FAF1: variants seen among roughly 807,000 people sequenced by gnomAD.
The protein encoded by FAF1 is Fas associated factor 1.
A neutral mutation model predicts 92.5 loss-of-function variants in FAF1; 25 were observed. The ratio of observed to expected loss-of-function variants is 0.27; its 90% confidence interval spans 0.20 to 0.38. The LOEUF (loss-of-function observed/expected upper bound fraction) is 0.38. Ranked by LOEUF, FAF1 falls within the 10% of genes least tolerant of loss-of-function variation. FAF1 has a pLI of 1.00. For missense variants in FAF1, 636 were observed against 793.3 expected, an observed-to-expected ratio of 0.80 and a Z score of 2.38; for synonymous variants, 234 against 273.2, an observed-to-expected ratio of 0.86 and a Z score of 1.42.
intron 8 of FAF1, among the ~76,000 whole-genome samples, chr1:50,627,893 A>G (rs996662519): frequency 1.6e-4 from 24 of 152,174 alleles, no homozygotes; most frequent in African/African-American, 5.8e-4. Context: ...AGTCTACTTG[A>G]TTTAGCAACA....
intron 13 of FAF1, among the ~76,000 whole-genome samples, chr1:50,565,649 TA>T (rs1449663883): frequency 6.6e-6 from 1 of 151,724 alleles, no homozygotes. Flanking sequence ...ATTGCCATCA[TA>T]AAAAAAAGAA....
intron 1 of FAF1, among the ~76,000 whole-genome samples, chr1:50,887,222 G>A (rs1000968864): frequency 1.3e-5 from 2 of 152,056 alleles, no homozygotes; most frequent in Admixed American, 6.6e-5. Flanking sequence ...CTTGTTGATG[G>A]GGTTGTTGTT....
At chr1:50,828,274 T>C (rs530859812) in intron 2 of FAF1, among the ~76,000 whole-genome samples, 57 of 151,100 alleles carry the variant, frequency 3.8e-4, no homozygotes, top group African/African-American at 4.6e-4. Flanking sequence ...TTTTTTTTTT[T>C]CTTTCTTTTT....
chr1:50,691,613 C>G (rs1364112641), intron 7 of FAF1, among the ~76,000 whole-genome samples: 2 of 150,408 alleles, frequency 1.3e-5, no homozygotes, highest in Non-Finnish European at 3.0e-5. Context: ...TTTTTTGAGA[C>G]AGAGTTTCTC....
chr1:50,491,839 CTTTT>C (rs748185846), intron 15 of FAF1, 38 bp from the exon 16 acceptor site: 54 of 1,460,222 alleles, frequency 3.7e-5, no homozygotes, highest in Non-Finnish European at 4.8e-5. Context: ...TGACATATAA[CTTTT>C]TTTTGAAAAA....
intron 7 of FAF1, among the ~76,000 whole-genome samples, chr1:50,676,776 C>G (rs1303350131): frequency 4.6e-5 from 7 of 152,120 alleles, no homozygotes. Context: ...GAGCCAAGAT[C>G]CTGCCACTGC....
chr1:50,694,568 C>T (rs967904352), intron 7 of FAF1, among the ~76,000 whole-genome samples: 1 of 146,826 alleles, frequency 6.8e-6, no homozygotes, highest in Non-Finnish European at 1.5e-5. Context: ...AAAAAAAAAA[C>T]CCACAAAGGT....
chr1:50,528,685 G>T (rs540275699), intron 15 of FAF1, among the ~76,000 whole-genome samples: 3 of 152,276 alleles, frequency 2.0e-5, no homozygotes, highest in African/African-American at 7.2e-5. Context: ...GGTCTGAACT[G>T]TGTAAGTCCA....
Position 50,437,574 on chromosome 1 carries a change from A to T in FAF1, c.*3866T>A, listed in dbSNP as rs1031383650. The T allele has an allele frequency of 2.6e-5, 4 of 151,924 alleles. No homozygotes were observed. Among genetic ancestry groups the T allele is most frequent in the Non-Finnish European group, 4.4e-5 (3 of 67,996 alleles). 9.4% of individuals were successfully genotyped at this position (151,924 alleles called of 1,614,324 possible). A position where few individuals can be genotyped will look rare whatever the true frequency, so the allele number is the denominator to read the frequency against. On this transcript the variant is annotated 3_prime_UTR_variant, in exon 19 of 19. Transcript: ENST00000396153. Reference sequence around the variant, plus strand: ...TAATGAAAAGTTTTATTTTTTATTTATTTATTTTTTTAGAGACAGGGTCTT... The same window carrying T: ...TAATGAAAAGTTTTATTTTTTATTTTTTTATTTTTTTAGAGACAGGGTCTT...
intron 8 of FAF1, among the ~76,000 whole-genome samples, chr1:50,654,850 C>A (rs1351808177): frequency 6.6e-6 from 1 of 152,096 alleles, no homozygotes; most frequent in Non-Finnish European, 1.5e-5. Flanking sequence ...CAAATTTTTG[C>A]ATTGATACTG....
chr1:50,568,662 G>A (rs1179276682), intron 12 of FAF1, among the ~76,000 whole-genome samples: 1 of 152,148 alleles, frequency 6.6e-6, no homozygotes, highest in Non-Finnish European at 1.5e-5. Context: ...CTGAGGTTTA[G>A]AAAGCGGACT....
At chr1:50,485,189 A>T (rs997097989) in intron 17 of FAF1, among the ~76,000 whole-genome samples, 4 of 151,890 alleles carry the variant, frequency 2.6e-5, no homozygotes, top group Admixed American at 1.3e-4. Context: ...TTGAACTCCT[A>T]GGCTCAACTG....
intron 4 of FAF1, among the ~76,000 whole-genome samples, chr1:50,748,863 G>T (rs368110329): frequency 5.0e-4 from 76 of 152,248 alleles, no homozygotes; most frequent in African/African-American, 1.7e-3. Flanking sequence ...AAAGAAGAGT[G>T]GGGGGAGAAC....
At chr1:50,464,318 C>T (rs1230262661) in intron 18 of FAF1, among the ~76,000 whole-genome samples, 2 of 152,144 alleles carry the variant, frequency 1.3e-5, no homozygotes, top group African/African-American at 4.8e-5. Flanking sequence ...TCACTTAATT[C>T]TTATATCCAG....
intron 8 of FAF1, among the ~76,000 whole-genome samples, chr1:50,621,758 TGAG>T (rs1235029965): frequency 6.6e-6 from 1 of 152,050 alleles, no homozygotes; most frequent in Non-Finnish European, 1.5e-5. Context: ...TAGAGGAAGA[TGAG>T]GAGCCCTGGA....
intron 18 of FAF1, among the ~76,000 whole-genome samples, chr1:50,460,121 C>T (rs538857034): frequency 1.3e-5 from 2 of 152,314 alleles, no homozygotes; most frequent in South Asian, 2.1e-4. Context: ...TGGATTAATG[C>T]GTAGAAAACT....
intron 1 of FAF1, among the ~76,000 whole-genome samples, chr1:50,886,038 G>C (rs978618488): frequency 5.3e-5 from 8 of 151,954 alleles, no homozygotes; most frequent in Non-Finnish European, 1.2e-4. Flanking sequence ...TTCCTGTACT[G>C]TCTATGTTTT....
chr1:50,796,227 A>C (rs1296727466), intron 3 of FAF1, among the ~76,000 whole-genome samples: 5 of 151,486 alleles, frequency 3.3e-5, no homozygotes, highest in Admixed American at 1.3e-4. Context: ...ACACACACAC[A>C]CCCCTATCTT....
chr1:50,511,819 C>T (rs951393295), intron 15 of FAF1, among the ~76,000 whole-genome samples: 3 of 152,184 alleles, frequency 2.0e-5, no homozygotes, highest in Non-Finnish European at 4.4e-5. Flanking sequence ...GGAATCGCCA[C>T]ACTGTCTTCC....
Sources: allele counts gnomAD v4.1 joint callset (sites outside exome capture counted in the v4.1 genomes callset), GRCh38; gene constraint gnomAD v4.1.1; transcripts MANE v1.5; gene names NCBI Gene and HGNC (gene_info 2026-07-23, HGNC 2026-07-21).